Variants in S100PBP observed in about 807,000 individuals in gnomAD.
S100PBP encodes the protein S100P-binding protein.
A neutral mutation model predicts 39.9 loss-of-function variants in S100PBP; 15 were observed. The observed-to-expected ratio is 0.38, with a 90% CI of 0.25 to 0.58. S100PBP has a LOEUF of 0.58. Among genes scored for constraint, S100PBP ranks in the 20% least tolerant of loss-of-function variants. The pLI, the probability that S100PBP is intolerant of heterozygous loss-of-function variation, is 0.70. For missense variants in S100PBP, 504 were observed against 487.3 expected, an observed-to-expected ratio of 1.03 and a Z score of -0.32; for synonymous variants, 178 against 180.3, an observed-to-expected ratio of 0.99 and a Z score of 0.10.
At chr1:32,853,961 C>T (rs1158196697) in intron 6 of S100PBP, among the ~76,000 whole-genome samples, 1 of 152,042 alleles carries the variant, frequency 6.6e-6, no homozygotes, top group Non-Finnish European at 1.5e-5. Flanking sequence ...ACTAGCTTTG[C>T]AACTTGGTGT....
At chr1:32,839,772 G>A (rs1382397059) in intron 5 of S100PBP, among the ~76,000 whole-genome samples, 1 of 152,094 alleles carries the variant, frequency 6.6e-6, no homozygotes, top group Non-Finnish European at 1.5e-5. Context: ...AGCCTCTTGA[G>A]TAACTGGGAT....
intron 5 of S100PBP, among the ~76,000 whole-genome samples, chr1:32,846,539 A>G (rs1410610438): frequency 2.0e-5 from 3 of 151,648 alleles, no homozygotes; most frequent in African/African-American, 7.3e-5. Context: ...AGTATTTTTT[A>G]GTATTCCATT....
intron 5 of S100PBP, chr1:32,835,131 T>A (rs1348756765): frequency 6.6e-6 from 1 of 152,034 alleles, no homozygotes; most frequent in Non-Finnish European, 1.5e-5. Flanking sequence ...CGAGCAAAAT[T>A]CCATCTCAAA....
In S100PBP at chr1:32,824,827, C is replaced by CATATATATATATATAT. The variant is rs56900503; in HGVS notation, c.-119-482_-119-467dup. ...TTTTTTTTTTTGCATTTTTTCTATA[C>CATATATATATATATAT]ATATATATATATATATATAAAGATT... On this transcript the variant is annotated intron_variant, in intron 1 of 6. Transcript: ENST00000373475. 8.0e-4 allele frequency: 104 copies of CATATATATATATATAT among 129,588 alleles called. 1 individual carries two copies. The highest frequency in any genetic ancestry group is 3.0e-3 in the African/African-American group (95 of 31,556). 8.0% of individuals were successfully genotyped at this position (129,588 alleles called of 1,614,324 possible). A position where few individuals can be genotyped will look rare whatever the true frequency, so the allele number is the denominator to read the frequency against.
chr1:32,846,437 T>C (rs1288464696), intron 5 of S100PBP, among the ~76,000 whole-genome samples: 41 of 151,586 alleles, frequency 2.7e-4, no homozygotes, highest in Non-Finnish European at 7.4e-5. Context: ...TACAATCCCA[T>C]ATGGCTGGAT....
In S100PBP at chr1:32,828,068, C is replaced by T; in HGVS notation, c.907C>T (p.Gln303Ter). ...ACTAGGCAAAGTCATTCCTGTTCTA[C>T]AAACTAAGACCAGGTAATGTAAAGT... ...RRLGKVIPVL[Q>*]TKTRTNVPTF... The change falls in exon 4 of 7, where the codon CAA (glutamine) becomes TAA (stop). Residue 303 changes from glutamine (Q) to a stop codon, truncating the protein, a stop_gained. Coordinates refer to ENST00000373475, the MANE Select transcript of S100PBP (RefSeq NM_022753.4). LOFTEE classifies it high-confidence loss of function. 1 of 1,588,326 alleles carries T rather than the reference C, an allele frequency of 6.3e-7. No individual in the cohort carries two copies. Among genetic ancestry groups the T allele is most frequent in the Non-Finnish European group, 8.6e-7 (1 of 1,157,292 alleles).
intron 1 of S100PBP, among the ~76,000 whole-genome samples, chr1:32,819,451 G>C (rs1017792411): frequency 6.6e-6 from 1 of 152,198 alleles, no homozygotes; most frequent in Non-Finnish European, 1.5e-5. Context: ...TGTAATCCCA[G>C]CTACTGGGAG....
At chr1:32,845,888 A>G (rs541518357) in intron 5 of S100PBP, among the ~76,000 whole-genome samples, 3 of 151,526 alleles carry the variant, frequency 2.0e-5, no homozygotes, top group Non-Finnish European at 4.4e-5. Flanking sequence ...CATGTTGCCC[A>G]CGCTGGTCTC....
chr1:32,829,096 A>C (rs1639472678), intron 4 of S100PBP, among the ~76,000 whole-genome samples: 1 of 152,232 alleles, frequency 6.6e-6, no homozygotes, highest in Non-Finnish European at 1.5e-5. Context: ...TGTTTGCATA[A>C]TTGAGAGAAA....
Position 32,857,533 on chromosome 1 carries a change from A to G in S100PBP, c.*1495A>G, listed in dbSNP as rs1640870824. On this transcript the variant is annotated 3_prime_UTR_variant, in exon 7 of 7. Transcript: ENST00000373475. Reference sequence around the variant, plus strand: ...TCCATGTTGGTCAGGCTGGTCTTGAACTCCTGACCTCAGGTGATCTGCCCA... The same window carrying G: ...TCCATGTTGGTCAGGCTGGTCTTGAGCTCCTGACCTCAGGTGATCTGCCCA... 6.6e-6 allele frequency: 1 copy of G among 151,272 alleles called. No individual in the cohort carries two copies. The highest frequency in any genetic ancestry group is 2.1e-4 in the South Asian group (1 of 4,774). The allele number at this position is 151,272 out of a possible 1,614,324, so 9.4% of individuals were successfully genotyped here.
intron 5 of S100PBP, among the ~76,000 whole-genome samples, chr1:32,830,351 A>G (rs1569862872): frequency 6.9e-6 from 1 of 143,942 alleles, no homozygotes; most frequent in Non-Finnish European, 1.5e-5. Context: ...CATTTTTGCT[A>G]GGGATTTTTT....
At chr1:32,849,943 G>A (rs915775540) in intron 5 of S100PBP, among the ~76,000 whole-genome samples, 3 of 152,112 alleles carry the variant, frequency 2.0e-5, no homozygotes, top group African/African-American at 7.2e-5. Context: ...GAATAAATGA[G>A]TTGATATATA....
intron 5 of S100PBP, among the ~76,000 whole-genome samples, chr1:32,843,383 G>C (rs2148676856): frequency 6.6e-6 from 1 of 152,138 alleles, no homozygotes; most frequent in Middle Eastern, 3.4e-3. Flanking sequence ...CTGGAGTGCA[G>C]TGGCGTGATC....
intron 5 of S100PBP, among the ~76,000 whole-genome samples, chr1:32,849,959 T>C (rs1188971761): frequency 1.3e-5 from 2 of 152,198 alleles, no homozygotes; most frequent in Non-Finnish European, 2.9e-5. Flanking sequence ...ATATATAAAC[T>C]AGCACATAGG....
chr1:32,831,447 AT>A (rs1381876293), intron 5 of S100PBP, among the ~76,000 whole-genome samples: 1 of 151,862 alleles, frequency 6.6e-6, no homozygotes, highest in Non-Finnish European at 1.5e-5. Flanking sequence ...TTTTAGGAGA[AT>A]TTTTGGTCCT....
At chr1:32,827,327 C>T (rs1639373428) in intron 3 of S100PBP, among the ~76,000 whole-genome samples, 1 of 152,120 alleles carries the variant, frequency 6.6e-6, no homozygotes, top group Non-Finnish European at 1.5e-5. Context: ...TGGGCTTCAG[C>T]CTATGTCTCA....
chr1:32,837,547 A>G (rs1379783914), intron 5 of S100PBP, among the ~76,000 whole-genome samples: 9 of 147,006 alleles, frequency 6.1e-5, no homozygotes, highest in African/African-American at 2.3e-4. Flanking sequence ...CCTGGGCAAC[A>G]AAAGCAAAAC....
rs183479289 is a variant in S100PBP at position 32,840,175 on chromosome 1, G to A, written c.1024+10108G>A. 3.2e-4 allele frequency among the ~76,000 whole-genome samples: 49 copies of A among 152,128 alleles called. No individual in the cohort carries two copies. In the South Asian group the frequency reaches 8.3e-3, roughly 26 times the overall value. On this transcript the variant is annotated intron_variant, in intron 5 of 6. Transcript: ENST00000373475. ...TAATTTTTGTATTTTTAGTAGAGGT[G>A]GGGTTTTACCATGTTGGCCAGGCTG...
At position 32,858,529 on chromosome 1, in the gene S100PBP, A is replaced by C. The variant is rs1640900305; in HGVS notation, c.*2491A>C. ...TTTTCATCTCTTTTCAAAGCTGCAT[A>C]TCTCTTATATTTGGTATTGGCCTCT... On this transcript the variant is annotated 3_prime_UTR_variant, in exon 7 of 7. Coordinates refer to ENST00000373475, the MANE Select transcript of S100PBP (RefSeq NM_022753.4). 6.6e-6 allele frequency: 1 copy of C among 152,326 alleles called. No homozygotes were observed. The highest frequency in any genetic ancestry group is 1.5e-5 in the Non-Finnish European group (1 of 68,014). 9.4% of individuals were successfully genotyped at this position (152,326 alleles called of 1,614,324 possible). A position where few individuals can be genotyped will look rare whatever the true frequency, so the allele number is the denominator to read the frequency against.
Sources: gnomAD v4.1 joint callset for allele counts (sites outside exome capture counted in the v4.1 genomes callset) on GRCh38, gnomAD v4.1.1 for gene constraint, MANE v1.5 for transcripts, NCBI Gene and HGNC (gene_info 2026-07-23, HGNC 2026-07-21) for gene names.